MYCL: variants seen among roughly 807,000 people sequenced by gnomAD.
MYCL encodes the protein protein L-Myc.
In MYCL, 11 loss-of-function variants were observed where a neutral mutation model predicts 31.0. The ratio of observed to expected loss-of-function variants is 0.35; its 90% CI spans 0.22 to 0.59. MYCL has a LOEUF of 0.59. MYCL is among the 20% of genes least tolerant of loss of function. The pLI is 0.79. For synonymous variants in MYCL, 208 were observed against 202.4 expected, an observed-to-expected ratio of 1.03 and a Z score of -0.23; for missense variants, 427 against 486.1, an observed-to-expected ratio of 0.88 and a Z score of 1.14.
At chr1:39,900,805 C>T (rs1644529193) in intron 1 of MYCL, 134 bp downstream of exon 1, 2 of 1,465,778 alleles carry the variant, frequency 1.4e-6, no homozygotes, top group Non-Finnish European at 1.8e-6. Flanking sequence ...GGGGACTACA[C>T]GGGCAGCTTC....
chr1:39,900,208 T>A (rs565755440), intron 1 of MYCL: 1 of 985,278 alleles, frequency 1.0e-6, no homozygotes, highest in Non-Finnish European at 1.2e-6. Context: ...CAAGGCAAGG[T>A]GTAGTGCTTC....
rs560204717 is a variant in MYCL at position 39,895,579 on chromosome 1, T to C, written c.*1793A>G. On this transcript the variant is annotated 3_prime_UTR_variant, in exon 2 of 2. Coordinates refer to ENST00000372816, the MANE Select transcript of MYCL (RefSeq NM_001033081.3). Reference sequence around the variant, plus strand: ...ACAGGAAATTGCCCCAAGAGTTTTTTTCCTTGTACAAAAACAGTTAACACC... The same window carrying C: ...ACAGGAAATTGCCCCAAGAGTTTTTCTCCTTGTACAAAAACAGTTAACACC... 1 of 227,790 alleles carries C rather than the reference T, an allele frequency of 4.4e-6. No individual in the cohort carries two copies. The highest frequency in any genetic ancestry group is 1.8e-4 in the South Asian group (1 of 5,478). The allele number at this position is 227,790 out of a possible 1,614,324, so 14.1% of individuals were successfully genotyped here.
At position 39,897,419 on chromosome 1, in the gene MYCL, G is replaced by A. The variant is rs142406322; in HGVS notation, c.1048C>T (p.Arg350Trp). The A allele has an allele frequency of 1.4e-5, 23 of 1,610,772 alleles. No homozygotes were observed. The highest frequency in any genetic ancestry group is 1.6e-5 in the Non-Finnish European group (19 of 1,177,478). The change falls in exon 2 of 2, where the codon CGG becomes TGG. Residue 350 changes from arginine to tryptophan, a missense_variant. Arg to Trp is a moderately radical substitution (Grantham distance 101). Coordinates refer to ENST00000372816, the MANE Select transcript of MYCL (RefSeq NM_001033081.3). This position sits in a 1 kb window ranked among gnomAD's most constrained non-coding sequence, Gnocchi z 4.3. ...MATEKRQLRCRQQQLQKRIAY... is the reference protein window; with the variant it reads ...MATEKRQLRCWQQQLQKRIAY... ...ATTCTTTTCTGCAACTGCTGCTGCC[G>A]GCATCGGAGCTGTCTTTTCTCTGTA...
At chr1:39,899,798 C>T (rs1490075120) in intron 1 of MYCL, 2 of 985,216 alleles carry the variant, frequency 2.0e-6, no homozygotes, top group Non-Finnish European at 2.4e-6. Flanking sequence ...AACTTCCATA[C>T]CCCATTCCCC....
At chr1:39,899,771 T>C in intron 1 of MYCL, 1 of 985,264 alleles carries the variant, frequency 1.0e-6, no homozygotes, top group Non-Finnish European at 1.2e-6. Flanking sequence ...TCCTATTTTT[T>C]CTCTCAAGTG....
intron 1 of MYCL, 158 bp downstream of exon 1, chr1:39,900,781 A>C (rs1644528955): frequency 7.0e-7 from 1 of 1,435,558 alleles, no homozygotes; most frequent in Non-Finnish European, 9.2e-7. Flanking sequence ...CCCACGTGCC[A>C]GACAGACACG....
At position 39,901,068 on chromosome 1, in the gene MYCL, G is replaced by A; in HGVS notation, c.367C>T (p.Pro123Ser). 6.4e-7 allele frequency: 1 copy of A among 1,561,750 alleles called. No homozygotes were observed. Among genetic ancestry groups the A allele is most frequent in the Non-Finnish European group, 8.7e-7 (1 of 1,153,622 alleles). Residue 123 changes from proline to serine, a missense_variant, in exon 1 of 2, where the codon CCC (proline) becomes TCC (serine). Pro to Ser is a moderately conservative substitution (Grantham distance 74). Transcript: ENST00000372816. This position sits in a 1 kb window ranked among gnomAD's most constrained non-coding sequence, Gnocchi z 6.9. The part of the protein sequence containing the change: ...LAPGAPRGNP[P>S]KASAAPDCTP... ...CAGTCCGGGGCGGCGGACGCCTTGG[G>A]CGGGTTCCCCCGGGGCGCGCCAGGA...
At position 39,901,101 on chromosome 1, in the gene MYCL, G is replaced by C; in HGVS notation, c.334C>G (p.Arg112Gly). The C allele has an allele frequency of 6.3e-7, 1 of 1,588,810 alleles. No homozygotes were observed. The change falls in exon 1 of 2, where the codon CGG (arginine) becomes GGG (glycine). Residue 112 changes from arginine (R) to glycine (G), a missense_variant. Coordinates refer to ENST00000372816, the MANE Select transcript of MYCL (RefSeq NM_001033081.3). The surrounding 1 kb of genome is among the most constrained non-coding windows in gnomAD (Gnocchi z 6.9). ...CCCCGGGGCGCGCCAGGAGCGAGCC[G>C]GTCGCTCACAGCTCTCTCCAGCCGT... ...RERLERAVSD[R>G]LAPGAPRGNP...
chr1:39,897,551 C>A lies in MYCL; in HGVS notation c.916G>T (p.Asp306Tyr). ...DLRSRFLALR[D>Y]QVPTLASCSK... ...CAGCTGGCCAGGGTGGGCACCTGGTCCCTCAGCGCCAAGAATCGCGAACGC... is the reference window on the plus strand; with the variant it reads ...CAGCTGGCCAGGGTGGGCACCTGGTACCTCAGCGCCAAGAATCGCGAACGC... Residue 306 changes from aspartate (D) to tyrosine (Y), a missense_variant, in exon 2 of 2, where the codon GAC (aspartate) becomes TAC (tyrosine). Transcript: ENST00000372816. This position sits in a 1 kb window ranked among gnomAD's most constrained non-coding sequence, Gnocchi z 4.3. 6.2e-7 allele frequency: 1 copy of A among 1,614,214 alleles called. No homozygotes were observed. Among genetic ancestry groups the A allele is most frequent in the Non-Finnish European group, 8.5e-7 (1 of 1,180,048 alleles).
At position 39,897,286 on chromosome 1, in the gene MYCL, A is replaced by G. The variant is rs1644491091; in HGVS notation, c.*86T>C. ...TGTCCAGACTGTCCCACCATAACCA[A>G]AATGTGCAAATTACTAAAGGGGAGA... On this transcript the variant is annotated 3_prime_UTR_variant, in exon 2 of 2. Coordinates refer to ENST00000372816, the MANE Select transcript of MYCL (RefSeq NM_001033081.3). The surrounding 1 kb of genome is among the most constrained non-coding windows in gnomAD (Gnocchi z 4.3). 1.6e-6 allele frequency: 2 copies of G among 1,280,060 alleles called. No homozygotes were observed. Among genetic ancestry groups the G allele is most frequent in the African/African-American group, 3.0e-5 (2 of 67,110 alleles). 79.3% of individuals were successfully genotyped at this position (1,280,060 alleles called of 1,614,324 possible). A position where few individuals can be genotyped will look rare whatever the true frequency, so the allele number is the denominator to read the frequency against.
At chr1:39,900,764 C>T in intron 1 of MYCL, 175 bp downstream of exon 1, 3 of 1,425,700 alleles carry the variant, frequency 2.1e-6, no homozygotes. Flanking sequence ...AACTGTTTAC[C>T]AACACACCCA....
chr1:39,901,683 C>T lies in MYCL; in HGVS notation c.-249G>A. On this transcript the variant is annotated 5_prime_UTR_variant, in exon 1 of 2. Coordinates refer to ENST00000372816, the MANE Select transcript of MYCL (RefSeq NM_001033081.3). This position sits in a 1 kb window ranked among gnomAD's most constrained non-coding sequence, Gnocchi z 6.9. Reference sequence around the variant, plus strand: ...GAGTTCAAAGCAAACTTTGCCAGCGCCGCCCGGAGCGCAGCTCCCAGGGCC... The same window carrying T: ...GAGTTCAAAGCAAACTTTGCCAGCGTCGCCCGGAGCGCAGCTCCCAGGGCC... 1 of 1,268,836 alleles carries T rather than the reference C, an allele frequency of 7.9e-7. No homozygotes were observed. Among genetic ancestry groups the T allele is most frequent in the Admixed American group, 4.1e-5 (1 of 24,242 alleles). 78.6% of individuals were successfully genotyped at this position (1,268,836 alleles called of 1,614,324 possible). A position where few individuals can be genotyped will look rare whatever the true frequency, so the allele number is the denominator to read the frequency against.
At position 39,898,103 on chromosome 1, in the gene MYCL, C is replaced by T. The variant is rs532677909; in HGVS notation, c.497-133G>A. On this transcript the variant is annotated intron_variant, in intron 1 of 1. Coordinates refer to ENST00000372816, the MANE Select transcript of MYCL (RefSeq NM_001033081.3). ...TTTTCCAATTTAGATATATACAAAT[C>T]GAGGTGAGCAGAAAGCTGATTCATT... 7 of 1,330,954 alleles carry T rather than the reference C, an allele frequency of 5.3e-6. No individual in the cohort carries two copies. In the East Asian group the frequency reaches 7.4e-5, roughly 14 times the overall value. 82.4% of individuals were successfully genotyped at this position (1,330,954 alleles called of 1,614,324 possible). A position where few individuals can be genotyped will look rare whatever the true frequency, so the allele number is the denominator to read the frequency against.
At position 39,896,480 on chromosome 1, in the gene MYCL, G is replaced by A. The variant is rs983424940; in HGVS notation, c.*892C>T. 7 of 215,912 alleles carry A rather than the reference G, an allele frequency of 3.2e-5. No individual in the cohort carries two copies. Among genetic ancestry groups the A allele is most frequent in the African/African-American group, 6.7e-5 (3 of 44,454 alleles). 13.4% of individuals were successfully genotyped at this position (215,912 alleles called of 1,614,324 possible). ...AAAGACTGGGCCTCAAGTGCCCCTC[G>A]GAAAACACCTGGGCAGGGATCAAGT... On this transcript the variant is annotated 3_prime_UTR_variant, in exon 2 of 2. Coordinates refer to ENST00000372816, the MANE Select transcript of MYCL (RefSeq NM_001033081.3).
At chr1:39,899,178 C>A in intron 1 of MYCL, 1 of 671,620 alleles carries the variant, frequency 1.5e-6, no homozygotes. Context: ...GCTCTGCTGC[C>A]AATCACTTTC....
At position 39,897,775 on chromosome 1, in the gene MYCL, C is replaced by T; in HGVS notation, c.692G>A (p.Arg231Lys). The T allele has an allele frequency of 6.2e-7, 1 of 1,614,170 alleles. No individual in the cohort carries two copies. The highest frequency in any genetic ancestry group is 8.5e-7 in the Non-Finnish European group (1 of 1,180,028). Residue 231 changes from arginine (R) to lysine (K), a missense_variant, in exon 2 of 2, where the codon AGG (arginine) becomes AAG (lysine). Coordinates refer to ENST00000372816, the MANE Select transcript of MYCL (RefSeq NM_001033081.3). The surrounding 1 kb of genome is among the most constrained non-coding windows in gnomAD (Gnocchi z 4.3). The stretch of plus-strand genomic sequence containing the variant: ...CTCCAGAACCTCTTCTTGGGGACCC[C>T]TCTCTGAAGCCTCTTCTTGGGAGCA... ...ESCSQEEASE[R>K]GPQEEVLERD...
chr1:39,897,785 C>G lies in MYCL; in HGVS notation c.682G>C (p.Ala228Pro), dbSNP rs1440191684. The change falls in exon 2 of 2, where the codon GCT (alanine) becomes CCT (proline). Residue 228 changes from alanine (A) to proline (P), a missense_variant. Coordinates refer to ENST00000372816, the MANE Select transcript of MYCL (RefSeq NM_001033081.3). This position sits in a 1 kb window ranked among gnomAD's most constrained non-coding sequence, Gnocchi z 4.3. The part of the protein sequence containing the change: ...FPPESCSQEE[A>P]SERGPQEEVL... ...TCTTCTTGGGGACCCCTCTCTGAAG[C>G]CTCTTCTTGGGAGCAGCTTTCTGGA... 1.2e-6 allele frequency: 2 copies of G among 1,614,188 alleles called. No individual in the cohort carries two copies.
chr1:39,897,796 G>C lies in MYCL; in HGVS notation c.671C>G (p.Ser224Cys). ...ACCCCTCTCTGAAGCCTCTTCTTGG[G>C]AGCAGCTTTCTGGAGGAAAACGGGC... ...YAARFPPESCSQEEASERGPQ... is the reference protein window; with the variant it reads ...YAARFPPESCCQEEASERGPQ... Residue 224 changes from serine to cysteine, a missense_variant, in exon 2 of 2, where the codon TCC (serine) becomes TGC (cysteine). Coordinates refer to ENST00000372816, the MANE Select transcript of MYCL (RefSeq NM_001033081.3). The surrounding 1 kb of genome is among the most constrained non-coding windows in gnomAD (Gnocchi z 4.3). 1 of 1,614,156 alleles carries C rather than the reference G, an allele frequency of 6.2e-7. No homozygotes were observed. Among genetic ancestry groups the C allele is most frequent in the Non-Finnish European group, 8.5e-7 (1 of 1,180,030 alleles).
rs1241435200 is a variant in MYCL, at chr1:39,901,848, C to T, written c.-414G>A. 1.6e-6 allele frequency: 2 copies of T among 1,254,930 alleles called. No homozygotes were observed. The highest frequency in any genetic ancestry group is 2.0e-6 in the Non-Finnish European group (2 of 990,010). The allele number at this position is 1,254,930 out of a possible 1,614,324, so 77.7% of individuals were successfully genotyped here. On this transcript the variant is annotated 5_prime_UTR_variant, in exon 1 of 2. Coordinates refer to ENST00000372816, the MANE Select transcript of MYCL (RefSeq NM_001033081.3). The surrounding 1 kb of genome is among the most constrained non-coding windows in gnomAD (Gnocchi z 6.9). Reference sequence around the variant, plus strand: ...CGCCACCTGGAGCGGACCGGCTCCCCGCCGGCTCGGGGCAGCCCGGCAGCC... The same window carrying T: ...CGCCACCTGGAGCGGACCGGCTCCCTGCCGGCTCGGGGCAGCCCGGCAGCC...
Sources: gnomAD v4.1 joint callset for allele counts on GRCh38, gnomAD v4.1.1 for gene constraint, Gnocchi (gnomAD v3.1) non-coding constraint, MANE v1.5 for transcripts, NCBI Gene and HGNC (gene_info 2026-07-23, HGNC 2026-07-21) for gene names.